Variants in MTREX observed in about 807,000 individuals in gnomAD.
MTREX encodes the protein exosome RNA helicase MTR4.
MTREX carries 76 observed loss-of-function variants against 135.4 expected under a neutral mutation model. That is an observed-to-expected ratio of 0.56 (90% CI 0.47 to 0.68). The LOEUF is 0.68. Among genes scored for constraint, MTREX ranks in the 30% least tolerant of loss-of-function variants. MTREX has a pLI of 0.00. For synonymous variants in MTREX, 404 were observed against 401.6 expected (o/e 1.01, Z -0.07); for missense variants, 920 against 1,262.1 (o/e 0.73, Z 4.11).
intron 5 of MTREX, among the ~76,000 whole-genome samples, chr5:55,338,780 C>CT (rs1749594064): frequency 8.8e-6 from 1 of 114,202 alleles, no homozygotes; most frequent in East Asian, 2.8e-4. Flanking sequence ...TGTAGACTTT[C>CT]TTTTTCTTTT....
chr5:55,313,986 G>T lies in MTREX; in HGVS notation c.134+5839G>T, dbSNP rs76078189. On this transcript the variant is annotated intron_variant, in intron 1 of 26. Transcript: ENST00000230640. ...ATCGTATATCAATATGTAGAGAGCT[G>T]TTTTTTTTTTTTAACAACTGCATAG... 8.3e-5 allele frequency among the ~76,000 whole-genome samples: 12 copies of T among 144,514 alleles called. No homozygotes were observed. The South Asian group carries it at 2.6e-3, about 32-fold the overall frequency. 94.8% of individuals were successfully genotyped at this position (144,514 alleles called of 152,430 possible). A position where few individuals can be genotyped will look rare whatever the true frequency, so the allele number is the denominator to read the frequency against.
chr5:55,376,494 C>T (rs1233609992), intron 16 of MTREX, among the ~76,000 whole-genome samples: 1 of 152,178 alleles, frequency 6.6e-6, no homozygotes, highest in Non-Finnish European at 1.5e-5. Context: ...AATGCCATTC[C>T]AGCAGTGGTG....
chr5:55,415,581 G>T (rs115431904), intron 24 of MTREX, among the ~76,000 whole-genome samples: 1,874 of 152,256 alleles, frequency 0.012, 26 homozygotes, highest in Non-Finnish European at 0.014. Flanking sequence ...ACATTTTTAA[G>T]CATTGTTGTG....
chr5:55,326,801 T>G (rs1749385654), intron 3 of MTREX, among the ~76,000 whole-genome samples: 1 of 152,188 alleles, frequency 6.6e-6, no homozygotes, highest in Non-Finnish European at 1.5e-5. Flanking sequence ...GCACCCATCA[T>G]CCTGTCAGCC....
chr5:55,353,284 T>A lies in MTREX; in HGVS notation c.1533+15T>A, dbSNP rs779415953. The A allele has an allele frequency of 6.6e-7, 1 of 1,522,314 alleles. No homozygotes were observed. The highest frequency in any genetic ancestry group is 9.0e-7 in the Non-Finnish European group (1 of 1,105,208). 94.3% of individuals were successfully genotyped at this position (1,522,314 alleles called of 1,614,324 possible). ...ATTTCCGATGGGTAAGTAAAGCAAT[T>A]CATATATCAAAATAATTTTTGTCTT... is the stretch of plus-strand genomic sequence containing the variant. On this transcript the variant is annotated intron_variant, in intron 14 of 26. Transcript: ENST00000230640.
At chr5:55,350,563 A>G (rs1422055213) in intron 12 of MTREX, among the ~76,000 whole-genome samples, 4 of 152,112 alleles carry the variant, frequency 2.6e-5, no homozygotes, top group Non-Finnish European at 5.9e-5. Flanking sequence ...ACAGTGATTT[A>G]TTTTTTGGGG....
chr5:55,340,564 A>T (rs1749628190), intron 6 of MTREX, among the ~76,000 whole-genome samples: 1 of 152,066 alleles, frequency 6.6e-6, no homozygotes, highest in Admixed American at 6.5e-5. Context: ...ATACAAGTAG[A>T]TGAGTAACTG....
intron 22 of MTREX, among the ~76,000 whole-genome samples, chr5:55,408,540 A>G (rs1280906887): frequency 6.6e-6 from 1 of 152,192 alleles, no homozygotes; most frequent in East Asian, 1.9e-4. Flanking sequence ...ACTGTTAGTA[A>G]AGATTATAAT....
chr5:55,338,793 T>TTTTC (rs1207359841), intron 5 of MTREX, among the ~76,000 whole-genome samples: 5 of 137,982 alleles, frequency 3.6e-5, no homozygotes, highest in African/African-American at 8.4e-5. Flanking sequence ...TTTCTTTTTT[T>TTTTC]TTTTTTTTTT....
intron 16 of MTREX, among the ~76,000 whole-genome samples, chr5:55,375,058 T>C (rs992469319): frequency 6.6e-6 from 1 of 152,016 alleles, no homozygotes; most frequent in African/African-American, 2.4e-5. Context: ...AGTGTGTGAA[T>C]AGGTGTGGGT....
chr5:55,419,085 T>C (rs1751016190), intron 25 of MTREX, among the ~76,000 whole-genome samples: 1 of 152,202 alleles, frequency 6.6e-6, no homozygotes, highest in Admixed American at 6.5e-5. Flanking sequence ...GCTCAAGTGA[T>C]CCACCTGCTT....
At chr5:55,413,869 T>C (rs1046694443) in intron 23 of MTREX, among the ~76,000 whole-genome samples, 1 of 152,218 alleles carries the variant, frequency 6.6e-6, no homozygotes, top group African/African-American at 2.4e-5. Context: ...TAAACTACTA[T>C]GTATGTTTAC....
intron 15 of MTREX, among the ~76,000 whole-genome samples, chr5:55,364,474 G>GT (rs1373397218): frequency 6.6e-6 from 1 of 152,110 alleles, no homozygotes; most frequent in African/African-American, 2.4e-5. Context: ...ATGAAATTTG[G>GT]TATAAACTAT....
chr5:55,368,923 A>G (rs892893985), intron 16 of MTREX, among the ~76,000 whole-genome samples: 1 of 152,160 alleles, frequency 6.6e-6, no homozygotes, highest in Non-Finnish European at 1.5e-5. Flanking sequence ...ACCTTATAAC[A>G]TGACCAATGT....
At chr5:55,400,851 CA>C (rs1453332341) in intron 21 of MTREX, among the ~76,000 whole-genome samples, 1 of 152,152 alleles carries the variant, frequency 6.6e-6, no homozygotes, top group East Asian at 1.9e-4. Flanking sequence ...TTGGCAATCA[CA>C]AATCTTTCTA....
At chr5:55,310,722 C>G (rs1749098740) in intron 1 of MTREX, among the ~76,000 whole-genome samples, 2 of 152,148 alleles carry the variant, frequency 1.3e-5, no homozygotes, top group African/African-American at 4.8e-5. Context: ...CATGGAACTT[C>G]AGAGGAACTT....
At chr5:55,332,407 G>C (rs1302332223) in intron 5 of MTREX, among the ~76,000 whole-genome samples, 1 of 152,118 alleles carries the variant, frequency 6.6e-6, no homozygotes, top group Non-Finnish European at 1.5e-5. Context: ...AAAAGAAACA[G>C]ATAAAAAAAA....
At position 55,425,130 on chromosome 5, in the gene MTREX, G is replaced by C; in HGVS notation, c.*358G>C. 6.6e-7 allele frequency: 1 copy of C among 1,513,454 alleles called. No individual in the cohort carries two copies. The highest frequency in any genetic ancestry group is 8.9e-7 in the Non-Finnish European group (1 of 1,120,772). 93.8% of individuals were successfully genotyped at this position (1,513,454 alleles called of 1,614,324 possible). A position where few individuals can be genotyped will look rare whatever the true frequency, so the allele number is the denominator to read the frequency against. ...TAAAGGCTTGTACACCAGGAAGAAAGATGCATCCTCTTGCCTTGTGGCAAT... is the reference window on the plus strand; with the variant it reads ...TAAAGGCTTGTACACCAGGAAGAAACATGCATCCTCTTGCCTTGTGGCAAT... On this transcript the variant is annotated 3_prime_UTR_variant, in exon 27 of 27. Transcript: ENST00000230640.
intron 14 of MTREX, among the ~76,000 whole-genome samples, chr5:55,354,241 A>G (rs1749874322): frequency 6.6e-6 from 1 of 152,204 alleles, no homozygotes; most frequent in South Asian, 2.1e-4. Context: ...AAGTATGTTC[A>G]GGGATATAGC....
Sources: allele counts gnomAD v4.1 joint callset (sites outside exome capture counted in the v4.1 genomes callset), GRCh38; gene constraint gnomAD v4.1.1; transcripts MANE v1.5; gene names NCBI Gene and HGNC (gene_info 2026-07-23, HGNC 2026-07-21).